Variants in HERC1 observed in about 807,000 individuals in gnomAD.
HERC1 encodes the protein probable E3 ubiquitin-protein ligase HERC1.
HERC1 carries 160 observed loss-of-function variants against 554.3 expected under a neutral mutation model. That is an observed-to-expected ratio of 0.29 (90% confidence interval 0.25 to 0.33). The LOEUF is 0.33. HERC1 is among the 10% of genes least tolerant of loss of function. The pLI is 1.00. For synonymous variants in HERC1, 2,175 were observed against 2,131.7 expected (o/e 1.02, Z -0.56); for missense variants, 4,919 against 5,918.5 (o/e 0.83, Z 5.54).
At chr15:63,688,338 G>A (rs184568474) in intron 33 of HERC1, among the ~76,000 whole-genome samples, 1 of 152,352 alleles carries the variant, frequency 6.6e-6, no homozygotes, top group African/African-American at 2.4e-5. Flanking sequence ...AAGCCTGGGG[G>A]AAGAAACAGA....
chr15:63,796,961 G>A (rs181684665), intron 1 of HERC1, among the ~76,000 whole-genome samples: 1 of 152,228 alleles, frequency 6.6e-6, no homozygotes, highest in Admixed American at 6.5e-5. Context: ...GGTATTATGA[G>A]GCATATCTGG....
At chr15:63,820,925 C>G (rs994369709) in intron 1 of HERC1, among the ~76,000 whole-genome samples, 9 of 143,578 alleles carry the variant, frequency 6.3e-5, no homozygotes, top group Non-Finnish European at 1.4e-4. Flanking sequence ...TAGGGGACAA[C>G]AAATAGCTTA....
At chr15:63,636,975 T>C in intron 64 of HERC1, 2 of 360,008 alleles carry the variant, frequency 5.6e-6, no homozygotes, top group South Asian at 4.3e-5. Context: ...CATAGTTACT[T>C]GTATGCTTTT....
At chr15:63,750,864 T>C (rs1030482852) in intron 8 of HERC1, among the ~76,000 whole-genome samples, 1 of 152,012 alleles carries the variant, frequency 6.6e-6, no homozygotes, top group African/African-American at 2.4e-5. Flanking sequence ...GCCCAGGAGG[T>C]AGGTCAAGGC....
chr15:63,711,971 CTAGA>C (rs1284572182), intron 24 of HERC1, among the ~76,000 whole-genome samples: 1 of 152,224 alleles, frequency 6.6e-6, no homozygotes, highest in African/African-American at 2.4e-5. Flanking sequence ...AAGCAATCTT[CTAGA>C]TAGTTTTCGC....
At position 63,678,210 on chromosome 15, in the gene HERC1, T is replaced by C; in HGVS notation, c.6705A>G (p.Lys2235=). The C allele has an allele frequency of 6.2e-7, 1 of 1,614,008 alleles. No individual in the cohort carries two copies. The highest frequency in any genetic ancestry group is 8.5e-7 in the Non-Finnish European group (1 of 1,179,884). Reference sequence around the variant, plus strand: ...TTTTGTGAAGCCTTTCCATCATTTTTTTGTTAATGCAGTAAGTCCAACGGT... The same window carrying C: ...TTTTGTGAAGCCTTTCCATCATTTTCTTGTTAATGCAGTAAGTCCAACGGT... ...RTDRWTYCIN[K]KMMERLHKIK... is the part of the protein sequence containing the mutation. Residue 2235 remains lysine (K), a synonymous_variant, in exon 37 of 78, where the codon AAA becomes AAG. Transcript: ENST00000443617.
In HERC1 at chr15:63,718,121, C is replaced by CACACACACAT. The variant is rs140819055; in HGVS notation, c.3978+452_3978+453insATGTGTGTGT. ...ACACACACACACACACACACACACACACAACCCCCTCCTTGGTTTTCACTT... is the reference window on the plus strand; with the variant it reads ...ACACACACACACACACACACACACACACACACACATACAACCCCCTCCTTGGTTTTCACTT... On this transcript the variant is annotated intron_variant, in intron 21 of 77. Transcript: ENST00000443617. The surrounding 1 kb of genome is among the most constrained non-coding windows in gnomAD (Gnocchi z 4.2). Among the ~76,000 whole-genome samples the CACACACACAT allele has an allele frequency of 0.075, 10,757 of 142,960 alleles. 667 individuals carry two copies. The highest frequency in any genetic ancestry group is 0.12 in the South Asian group (540 of 4,574). 93.8% of individuals were successfully genotyped at this position (142,960 alleles called of 152,430 possible).
chr15:63,820,737 T>A (rs145609815), intron 1 of HERC1, among the ~76,000 whole-genome samples: 1 of 152,322 alleles, frequency 6.6e-6, no homozygotes, highest in African/African-American at 2.4e-5. Flanking sequence ...AGGCTAGTGT[T>A]GAACTCCTGT....
intron 42 of HERC1, among the ~76,000 whole-genome samples, chr15:63,665,638 G>A (rs1201976671): frequency 6.6e-6 from 1 of 152,026 alleles, no homozygotes; most frequent in Non-Finnish European, 1.5e-5. Flanking sequence ...TATTTTATTA[G>A]CATGTTTACT....
chr15:63,664,328 A>G, intron 43 of HERC1, 142 bp downstream of exon 43: 1 of 678,688 alleles, frequency 1.5e-6, no homozygotes, highest in Admixed American at 2.8e-5. Flanking sequence ...AATGCATAGA[A>G]AATGATATCC....
In HERC1 at chr15:63,637,638, A is replaced by G; in HGVS notation, c.12099T>C (p.Ile4033=). Residue 4033 remains isoleucine (I), a synonymous_variant, in exon 64 of 78, where the codon ATT becomes ATC. Coordinates refer to ENST00000443617, the MANE Select transcript of HERC1 (RefSeq NM_003922.4). The part of the protein sequence containing the change: ...APSFSQAQQV[I]CGQNCTFVIQ... Reference sequence around the variant, plus strand: ...TGACAAAGGTACAATTCTGACCACAAATGACCTAGTATAAAAACACAGAAT... The same window carrying G: ...TGACAAAGGTACAATTCTGACCACAGATGACCTAGTATAAAAACACAGAAT... 6 of 1,548,872 alleles carry G rather than the reference A, an allele frequency of 3.9e-6. No individual in the cohort carries two copies. The highest frequency in any genetic ancestry group is 2.4e-5 in the East Asian group (1 of 40,906).
Position 63,649,797 on chromosome 15 carries a change from G to C in HERC1, c.10675C>G (p.Leu3559Val), listed in dbSNP as rs374359585. The C allele has an allele frequency of 5.0e-6, 8 of 1,613,568 alleles. No individual in the cohort carries two copies. In the African/African-American group the frequency reaches 5.3e-5, roughly 11 times the overall value. Residue 3559 changes from leucine to valine, a missense_variant, in exon 54 of 78, where the codon CTG becomes GTG. This residue lies in a region of HERC1 where 1,963 missense variants were observed against 2,228.6 expected (regional missense o/e 0.88). Transcript: ENST00000443617. ...LLLVGRMDGS[L>V]GLIEVVDVST... ...ACATCAACAACTTCAATCAGTCCCA[G>C]AGATCCATCCATCCGTCCCACCAAC...
chr15:63,715,571 A>G (rs1416534941), intron 22 of HERC1, among the ~76,000 whole-genome samples: 3 of 152,228 alleles, frequency 2.0e-5, no homozygotes, highest in African/African-American at 7.2e-5. Flanking sequence ...ATAAGTTGAT[A>G]ATAAAGTTAG....
intron 25 of HERC1, 97 bp from the exon 26 acceptor site, chr15:63,699,093 G>A: frequency 9.6e-7 from 1 of 1,045,318 alleles, no homozygotes; most frequent in Non-Finnish European, 1.4e-6. Context: ...TAACCAACTG[G>A]TGAAAAATGG....
rs1372036749 is a variant in HERC1, at chr15:63,633,891, C to T, written c.12650G>A (p.Gly4217Glu). The T allele has an allele frequency of 1.9e-6, 3 of 1,613,626 alleles. No homozygotes were observed. Among genetic ancestry groups the T allele is most frequent in the Non-Finnish European group, 2.5e-6 (3 of 1,179,728 alleles). The stretch of plus-strand genomic sequence containing the variant: ...AGTGGAATTTCCTAAGCCTAGTTTT[C>T]CATAGTCTCCATCTCCAAAAGCCCA... Reference protein sequence around the residue: ...MVWAFGDGDYGKLGLGNSTAK... With the variant: ...MVWAFGDGDYEKLGLGNSTAK... Residue 4217 changes from glycine (G) to glutamate (E), a missense_variant, in exon 67 of 78, where the codon GGA becomes GAA. By Grantham distance (98) the Gly-to-Glu change is moderately conservative (BLOSUM62 -2). Coordinates refer to ENST00000443617, the MANE Select transcript of HERC1 (RefSeq NM_003922.4).
chr15:63,783,730 G>C (rs1216371353), intron 1 of HERC1, among the ~76,000 whole-genome samples: 3 of 152,122 alleles, frequency 2.0e-5, no homozygotes, highest in African/African-American at 7.2e-5. Context: ...GAATTCCTTT[G>C]AGAATCTGAT....
At chr15:63,820,011 T>C (rs1336583050) in intron 1 of HERC1, among the ~76,000 whole-genome samples, 1 of 152,218 alleles carries the variant, frequency 6.6e-6, no homozygotes, top group Non-Finnish European at 1.5e-5. Flanking sequence ...ACAAAAATGA[T>C]GACTAAATGA....
chr15:63,737,974 T>C (rs981209788), intron 12 of HERC1, among the ~76,000 whole-genome samples: 1 of 152,214 alleles, frequency 6.6e-6, no homozygotes, highest in Non-Finnish European at 1.5e-5. Flanking sequence ...TGTTTAAGTG[T>C]GAGCATATTT....
Position 63,781,006 on chromosome 15 carries a change from T to C in HERC1, c.-26-5357A>G, listed in dbSNP as rs79826128. 4.9e-3 allele frequency among the ~76,000 whole-genome samples: 749 copies of C among 152,210 alleles called. 9 individuals are homozygous for C. The highest frequency in any genetic ancestry group is 0.017 in the African/African-American group (714 of 41,516). On this transcript the variant is annotated intron_variant, in intron 1 of 77. Transcript: ENST00000443617. ...ATCTAAAACAAGTGATTTCAAAATG[T>C]TGAAGATAAAATGTAGGGTAATGAT...
Sources: gnomAD v4.1 joint callset for allele counts (sites outside exome capture counted in the v4.1 genomes callset) on GRCh38, gnomAD v4.1.1 for gene constraint, gnomAD v4.1.1 regional missense constraint, Gnocchi (gnomAD v3.1) non-coding constraint, MANE v1.5 for transcripts, NCBI Gene and HGNC (gene_info 2026-07-23, HGNC 2026-07-21) for gene names.